Variants in NBAS observed in about 807,000 individuals in gnomAD.
NBAS encodes the protein NAG/BC035112 fusion.
Under a neutral mutation model 302.5 loss-of-function variants are expected in NBAS, and 219 were observed. That is an observed-to-expected ratio of 0.72 (90% CI 0.65 to 0.81). The LOEUF (loss-of-function observed/expected upper bound fraction) is 0.81. NBAS is among the 30% of genes least tolerant of loss of function. The pLI is 0.00. For synonymous variants in NBAS, 1,118 were observed against 1,021.6 expected (o/e 1.09, Z -1.80); for missense variants, 2,932 against 2,841.6 (o/e 1.03, Z -0.72).
At chr2:15,500,668 G>C (rs1250234376) in intron 11 of NBAS, among the ~76,000 whole-genome samples, 1 of 151,710 alleles carries the variant, frequency 6.6e-6, no homozygotes, top group Non-Finnish European at 1.5e-5. Context: ...AGGTGCGGTG[G>C]CTCACGCCTG....
chr2:15,376,074 G>A (rs1005857873), intron 30 of NBAS, among the ~76,000 whole-genome samples: 3 of 152,292 alleles, frequency 2.0e-5, no homozygotes, highest in Non-Finnish European at 2.9e-5. Flanking sequence ...CTAGAATGAG[G>A]AGGGAGATTT....
chr2:14,833,812 C>G, the NBAS span, among the ~76,000 whole-genome samples: 3 of 151,314 alleles, frequency 2.0e-5, no homozygotes, highest in Admixed American at 6.6e-5. Context: ...ACAGTATTTA[C>G]AAGATTAAGC....
At chr2:15,012,865 T>G in the NBAS span, among the ~76,000 whole-genome samples, 2 of 152,172 alleles carry the variant, frequency 1.3e-5, no homozygotes, top group Non-Finnish European at 2.9e-5. Flanking sequence ...CTATGGAATT[T>G]TTTTTTTTTT....
chr2:14,915,145 A>T, the NBAS span, among the ~76,000 whole-genome samples: 1 of 152,236 alleles, frequency 6.6e-6, no homozygotes, highest in Non-Finnish European at 1.5e-5. Context: ...GAGACGGCAG[A>T]TACAGGTGAT....
intron 2 of NBAS, among the ~76,000 whole-genome samples, chr2:15,558,249 G>C (rs962993212): frequency 6.6e-6 from 1 of 152,098 alleles, no homozygotes; most frequent in South Asian, 2.1e-4. Context: ...CTCACCCATC[G>C]CTCACCTCCT....
the NBAS span, among the ~76,000 whole-genome samples, chr2:15,001,238 C>T: frequency 6.6e-6 from 1 of 152,070 alleles, no homozygotes; most frequent in Non-Finnish European, 1.5e-5. Flanking sequence ...AGGATTTTCA[C>T]ATATATACAC....
the NBAS span, among the ~76,000 whole-genome samples, chr2:15,118,464 C>T: frequency 6.6e-6 from 1 of 152,174 alleles, no homozygotes; most frequent in African/African-American, 2.4e-5. Flanking sequence ...GACTTTTTCC[C>T]CTTCCACCTT....
chr2:15,424,815 C>T (rs1290644949), intron 22 of NBAS, among the ~76,000 whole-genome samples: 1 of 152,198 alleles, frequency 6.6e-6, no homozygotes, highest in Non-Finnish European at 1.5e-5. Flanking sequence ...CGCAGGCCCA[C>T]TCAATCAAAA....
the NBAS span, among the ~76,000 whole-genome samples, chr2:14,862,052 C>T: frequency 2.0e-5 from 3 of 151,960 alleles, no homozygotes; most frequent in Non-Finnish European, 4.4e-5. Context: ...GGACACAACT[C>T]AAGAAGGGAA....
intron 6 of NBAS, among the ~76,000 whole-genome samples, chr2:15,545,375 A>G (rs1664060405): frequency 1.3e-5 from 2 of 152,204 alleles, no homozygotes; most frequent in Non-Finnish European, 2.9e-5. Flanking sequence ...ATAAAACCCA[A>G]AATTTTTTCT....
At chr2:15,494,836 C>T (rs149810277) in intron 11 of NBAS, among the ~76,000 whole-genome samples, 2 of 152,292 alleles carry the variant, frequency 1.3e-5, no homozygotes, top group East Asian at 3.9e-4. Context: ...CCAGATATCT[C>T]TGATGTGCAC....
the NBAS span, among the ~76,000 whole-genome samples, chr2:14,884,719 C>G: frequency 6.6e-6 from 1 of 151,972 alleles, no homozygotes; most frequent in African/African-American, 2.4e-5. Context: ...GCATACAGTA[C>G]GAAAACAAAT....
At chr2:14,803,025 A>T in the NBAS span, among the ~76,000 whole-genome samples, 168 of 151,956 alleles carry the variant, frequency 1.1e-3, no homozygotes, top group African/African-American at 4.0e-3. Flanking sequence ...TGTACCCTAA[A>T]ACTTAAAGTA....
chr2:15,098,305 A>ATATATGATATATCGTATATATCATATATT, the NBAS span, among the ~76,000 whole-genome samples: 1 of 14,978 alleles, frequency 6.7e-5, no homozygotes, highest in Non-Finnish European at 8.7e-5. Flanking sequence ...TACAATATAT[A>ATATATGATATATCGTATATATCATATATT]ATATATTGTA....
At chr2:14,876,913 G>C in the NBAS span, among the ~76,000 whole-genome samples, 1 of 152,306 alleles carries the variant, frequency 6.6e-6, no homozygotes, top group Non-Finnish European at 1.5e-5. Context: ...CAGGAATGCA[G>C]CACCTCATTG....
chr2:15,282,579 G>A (rs1669873054), intron 42 of NBAS, among the ~76,000 whole-genome samples: 1 of 152,052 alleles, frequency 6.6e-6, no homozygotes, highest in Non-Finnish European at 1.5e-5. Context: ...TGTGTCTAAA[G>A]GAAACAACAG....
chr2:14,789,959 C>G, the NBAS span, among the ~76,000 whole-genome samples: 1 of 152,332 alleles, frequency 6.6e-6, no homozygotes, highest in South Asian at 2.1e-4. Flanking sequence ...ACAGTCTAAG[C>G]TAAAGCTGAG....
the NBAS span, among the ~76,000 whole-genome samples, chr2:15,035,600 CA>C: frequency 6.6e-6 from 1 of 152,154 alleles, no homozygotes; most frequent in East Asian, 1.9e-4. Flanking sequence ...AAATGCCCAT[CA>C]ATGAGAGACC....
At position 15,202,569 on chromosome 2, in the gene NBAS, C is replaced by T. The variant is rs1233313007; in HGVS notation, c.6433-12166G>A. On this transcript the variant is annotated intron_variant, in intron 48 of 51. Coordinates refer to ENST00000281513, the MANE Select transcript of NBAS (RefSeq NM_015909.4). Reference sequence around the variant, plus strand: ...ATTTATTTATTTAGAGATGGAGTTTCGCTCTTGTTGCCCAGGCTGGAGTGC... The same window carrying T: ...ATTTATTTATTTAGAGATGGAGTTTTGCTCTTGTTGCCCAGGCTGGAGTGC... Among the ~76,000 whole-genome samples, 7 of 151,856 alleles carry T rather than the reference C, an allele frequency of 4.6e-5. No individual in the cohort carries two copies. In the East Asian group the frequency reaches 1.2e-3, roughly 25 times the overall value.
Sources: allele counts gnomAD v4.1 joint callset (sites outside exome capture counted in the v4.1 genomes callset), GRCh38; gene constraint gnomAD v4.1.1; transcripts MANE v1.5; gene names NCBI Gene and HGNC (gene_info 2026-07-23, HGNC 2026-07-21).